The following AZIN2 variants were observed in gnomAD, a reference collection of about 807,000 sequenced individuals.
AZIN2 encodes the protein ODC antizyme inhibitor-2.
A neutral mutation model predicts 47.8 loss-of-function variants in AZIN2; 28 were observed. The observed-to-expected ratio is 0.59, with a 90% CI of 0.43 to 0.80. The LOEUF is 0.80. AZIN2 is among the 30% of genes least tolerant of loss of function. The pLI, the probability that AZIN2 is intolerant of heterozygous loss-of-function variation, is 0.00. For missense variants in AZIN2, 535 were observed against 582.5 expected, an observed-to-expected ratio of 0.92 and a Z score of 0.84; for synonymous variants, 221 against 239.4, an observed-to-expected ratio of 0.92 and a Z score of 0.71.
the AZIN2 span, among the ~76,000 whole-genome samples, chr1:33,161,508 C>T: frequency 1.3e-5 from 2 of 152,158 alleles, no homozygotes; most frequent in African/African-American, 2.4e-5. The surrounding 1 kb of genome is among the most constrained non-coding windows in gnomAD (Gnocchi z 4.3). Context: ...CTCCCCGACG[C>T]GCGGCTGCTG....
At chr1:33,159,144 A>G in the AZIN2 span, among the ~76,000 whole-genome samples, 106,126 of 151,924 alleles carry the variant, frequency 0.7, 37,414 homozygotes, top group Non-Finnish European at 0.75. The surrounding 1 kb of genome is among the most constrained non-coding windows in gnomAD (Gnocchi z 4.2). Context: ...CGTGCCCAGC[A>G]GGAGCCTCAG....
intron 10 of AZIN2, among the ~76,000 whole-genome samples, chr1:33,107,877 A>G (rs1323079617): frequency 1.3e-5 from 2 of 152,198 alleles, no homozygotes; most frequent in Non-Finnish European, 2.9e-5. Context: ...GGAAGAATTA[A>G]TACTGTTAAA....
At chr1:33,082,419 GGGTCCCT>G (rs1203506253) in intron 4 of AZIN2, 65 bp downstream of exon 4, 2 of 1,153,772 alleles carry the variant, frequency 1.7e-6, no homozygotes, top group African/African-American at 3.1e-5. Flanking sequence ...TCCTCAGGAA[GGGTCCCT>G]AGGGCCCTCA....
chr1:33,083,802 C>T, intron 4 of AZIN2, 152 bp from the exon 5 acceptor site: 1 of 826,636 alleles, frequency 1.2e-6, no homozygotes, highest in Non-Finnish European at 2.0e-6. Context: ...TGCCTTCTGC[C>T]CTGTAGGCTT....
chr1:33,087,694 C>T (rs1422293779), intron 5 of AZIN2, among the ~76,000 whole-genome samples: 5 of 151,834 alleles, frequency 3.3e-5, no homozygotes, highest in African/African-American at 1.2e-4. Flanking sequence ...CCTTGGCCTC[C>T]CAAAGTGCTG....
chr1:33,163,591 C>A, the AZIN2 span: 1 of 152,270 alleles, frequency 6.6e-6, no homozygotes, highest in Non-Finnish European at 1.5e-5. Context: ...GGGGAAACAG[C>A]CCCCACCCCA....
At chr1:33,131,557 T>C in the AZIN2 span, among the ~76,000 whole-genome samples, 8 of 152,242 alleles carry the variant, frequency 5.3e-5, no homozygotes, top group Non-Finnish European at 1.2e-4. Flanking sequence ...ACGATTTCAA[T>C]AATTTTTAAA....
At chr1:33,099,244 C>T (rs897569925) in intron 10 of AZIN2, among the ~76,000 whole-genome samples, 3 of 152,078 alleles carry the variant, frequency 2.0e-5, no homozygotes, top group Admixed American at 6.6e-5. Flanking sequence ...TCTTCCTGCC[C>T]CTTATCCCTG....
At chr1:33,084,843 A>T (rs993263512) in intron 5 of AZIN2, among the ~76,000 whole-genome samples, 12 of 151,680 alleles carry the variant, frequency 7.9e-5, no homozygotes, top group African/African-American at 2.9e-4. Context: ...CAGGTGATCC[A>T]CCCGCCTCAG....
intron 10 of AZIN2, among the ~76,000 whole-genome samples, chr1:33,103,095 G>A (rs951601549): frequency 6.6e-5 from 10 of 152,054 alleles, no homozygotes; most frequent in African/African-American, 2.2e-4. Flanking sequence ...TACTGCAGTA[G>A]CCATTAACTG....
chr1:33,106,072 A>G (rs55935026), intron 10 of AZIN2, among the ~76,000 whole-genome samples: 2,901 of 152,326 alleles, frequency 0.019, 77 homozygotes, highest in East Asian at 0.08. Flanking sequence ...ATTATAAATG[A>G]AAGAGGAGAC....
chr1:33,084,189 C>T, intron 5 of AZIN2, 62 bp downstream of exon 5: 1 of 1,587,178 alleles, frequency 6.3e-7, no homozygotes, highest in Non-Finnish European at 8.5e-7. Context: ...CATGGCCAGG[C>T]TAGTCCAGGT....
At chr1:33,085,242 A>G (rs1641757456) in intron 5 of AZIN2, among the ~76,000 whole-genome samples, 1 of 152,182 alleles carries the variant, frequency 6.6e-6, no homozygotes, top group Non-Finnish European at 1.5e-5. Context: ...AAAAAAAAAA[A>G]AAAAGATGAA....
chr1:33,100,152 C>G (rs1462897067), intron 10 of AZIN2, among the ~76,000 whole-genome samples: 13 of 151,982 alleles, frequency 8.6e-5, no homozygotes, highest in Admixed American at 7.2e-4. Context: ...GAAACCCTGT[C>G]TCTACTAAAA....
rs114403582 is a variant in AZIN2 at position 33,105,042 on chromosome 1, G to T, written c.1029+6863G>T. 5.9e-3 allele frequency among the ~76,000 whole-genome samples: 900 copies of T among 152,134 alleles called. 3 individuals are homozygous for T. Among genetic ancestry groups the T allele is most frequent in the Non-Finnish European group, 9.4e-3 (637 of 67,988 alleles). ...TTGCTAAGAATAAGCAAGACGTTTCGTTTACTAATGTCATGATTTAACCAG... is the reference window on the plus strand; with the variant it reads ...TTGCTAAGAATAAGCAAGACGTTTCTTTTACTAATGTCATGATTTAACCAG... On this transcript the variant is annotated intron_variant, in intron 10 of 11. Coordinates refer to ENST00000294517, the MANE Select transcript of AZIN2 (RefSeq NM_052998.4).
intron 10 of AZIN2, among the ~76,000 whole-genome samples, chr1:33,099,523 C>T (rs1247140322): frequency 1.3e-5 from 2 of 152,228 alleles, no homozygotes; most frequent in African/African-American, 4.8e-5. Flanking sequence ...CCCCGTTACT[C>T]TGCCTCTCCA....
the AZIN2 span, among the ~76,000 whole-genome samples, chr1:33,158,978 C>T: frequency 6.6e-6 from 1 of 151,996 alleles, no homozygotes; most frequent in African/African-American, 2.4e-5. Context: ...ATAGCTGGGA[C>T]TACAGGTGCC....
the AZIN2 span, among the ~76,000 whole-genome samples, chr1:33,154,436 TTC>T: frequency 2.8e-3 from 433 of 152,308 alleles, 1 homozygote; most frequent in Non-Finnish European, 4.8e-3. Flanking sequence ...CAGCTTCTCA[TTC>T]TCTCTTCCAT....
chr1:33,161,504 G>A, the AZIN2 span, among the ~76,000 whole-genome samples: 8 of 152,262 alleles, frequency 5.3e-5, no homozygotes, highest in South Asian at 1.0e-3. The surrounding 1 kb of genome is among the most constrained non-coding windows in gnomAD (Gnocchi z 4.3). Flanking sequence ...TTCCCTCCCC[G>A]ACGCGCGGCT....
Sources: gnomAD v4.1 joint callset for allele counts (sites outside exome capture counted in the v4.1 genomes callset) on GRCh38, gnomAD v4.1.1 for gene constraint, Gnocchi (gnomAD v3.1) non-coding constraint, MANE v1.5 for transcripts, NCBI Gene and HGNC (gene_info 2026-07-23, HGNC 2026-07-21) for gene names.